CAST: variants seen among roughly 807,000 people sequenced by gnomAD.
The protein encoded by CAST is calpastatin.
CAST carries 76 observed loss-of-function variants against 119.6 expected under a neutral mutation model. That is an observed-to-expected ratio of 0.64 (90% CI 0.53 to 0.77). The LOEUF (loss-of-function observed/expected upper bound fraction) is 0.77. CAST is among the 30% of genes least tolerant of loss of function. The pLI is 0.00. For synonymous variants in CAST, 319 were observed against 331.6 expected (o/e 0.96, Z 0.41); for missense variants, 953 against 946.5 (o/e 1.01, Z -0.09).
chr5:96,363,674 C>T, the CAST span, among the ~76,000 whole-genome samples: 6 of 152,196 alleles, frequency 3.9e-5, no homozygotes, highest in East Asian at 1.2e-3. Context: ...GTGATTTTTG[C>T]ACATTGATTT....
At chr5:96,075,664 T>C in the CAST span, among the ~76,000 whole-genome samples, 3 of 152,156 alleles carry the variant, frequency 2.0e-5, no homozygotes, top group African/African-American at 7.2e-5. Flanking sequence ...TTGAGTTTCA[T>C]TGAGCAAAAG....
At chr5:96,662,174 C>A, upstream of CAST, 1 of 420,346 alleles carries the variant, frequency 2.4e-6, no homozygotes, top group South Asian at 4.9e-5. Context: ...GGGTGAGGAC[C>A]GGGGCGGAGG....
At chr5:96,665,029 CT>C (rs1481388080) in intron 1 of CAST, among the ~76,000 whole-genome samples, 3 of 152,184 alleles carry the variant, frequency 2.0e-5, no homozygotes, top group Non-Finnish European at 4.4e-5. Flanking sequence ...TGAATCTATG[CT>C]TTTAACCCTG....
chr5:96,294,511 G>C, the CAST span, among the ~76,000 whole-genome samples: 1 of 152,144 alleles, frequency 6.6e-6, no homozygotes, highest in Non-Finnish European at 1.5e-5. Flanking sequence ...GCTTTTCTCT[G>C]TCTACACAGA....
At chr5:96,285,538 T>G in the CAST span, among the ~76,000 whole-genome samples, 1 of 152,158 alleles carries the variant, frequency 6.6e-6, no homozygotes, top group Non-Finnish European at 1.5e-5. Context: ...CCCCCACCAT[T>G]TCATAAGTCC....
chr5:96,720,524 A>G (rs113274634), intron 3 of CAST, among the ~76,000 whole-genome samples: 20 of 152,212 alleles, frequency 1.3e-4, no homozygotes, highest in Non-Finnish European at 2.8e-4. Context: ...AGCAGCTTTC[A>G]TATTTCAGTT....
chr5:96,651,358 T>G (rs1748092612), intron 1 of CAST, among the ~76,000 whole-genome samples: 1 of 152,222 alleles, frequency 6.6e-6, no homozygotes, highest in African/African-American at 2.4e-5. Flanking sequence ...AGTATGTGTA[T>G]GTGTGTGTAC....
chr5:96,197,770 T>G, the CAST span, among the ~76,000 whole-genome samples: 114,104 of 151,876 alleles, frequency 0.75, 43,090 homozygotes, highest in East Asian at 0.84. Flanking sequence ...GACATTTTTT[T>G]GTGTGTGTGT....
At chr5:96,229,222 G>A in the CAST span, among the ~76,000 whole-genome samples, 4 of 150,844 alleles carry the variant, frequency 2.7e-5, no homozygotes, top group Non-Finnish European at 2.9e-5. Flanking sequence ...AAATGAAATC[G>A]TATTTTAGGA....
the CAST span, among the ~76,000 whole-genome samples, chr5:96,405,829 C>T: frequency 6.6e-6 from 1 of 152,150 alleles, no homozygotes; most frequent in African/African-American, 2.4e-5. Context: ...ATGGATATTT[C>T]TACTATATTG....
chr5:96,670,316 T>C (rs72772077), intron 1 of CAST, among the ~76,000 whole-genome samples: 90 of 152,222 alleles, frequency 5.9e-4, no homozygotes, highest in Non-Finnish European at 1.0e-3. Context: ...AGCACAATTT[T>C]ACTTTAGAAT....
At chr5:96,718,967 G>A (rs1757707410) in intron 3 of CAST, among the ~76,000 whole-genome samples, 1 of 152,168 alleles carries the variant, frequency 6.6e-6, no homozygotes, top group East Asian at 1.9e-4. Context: ...GAGGCTGAAT[G>A]GCTGGAGGGG....
Position 96,746,313 on chromosome 5 carries a change from A to G in CAST, c.1201-29A>G, listed in dbSNP as rs188785354. ...ATCTCATTATGTGCATTATCCAACT[A>G]CTTTTTTTTTCCCCTCCATTTTCAT... On this transcript the variant is annotated intron_variant, in intron 16 of 31. Transcript: ENST00000675179. 1.3e-4 allele frequency: 159 copies of G among 1,266,452 alleles called. 2 individuals carry two copies. The African/African-American group carries it at 1.7e-3, about 13-fold the overall frequency. The allele number at this position is 1,266,452 out of a possible 1,614,324, so 78.5% of individuals were successfully genotyped here. A position where few individuals can be genotyped will look rare whatever the true frequency, so the allele number is the denominator to read the frequency against.
At chr5:96,617,856 G>A (rs1241858238) in intron 1 of CAST, among the ~76,000 whole-genome samples, 1 of 136,532 alleles carries the variant, frequency 7.3e-6, no homozygotes, top group East Asian at 2.2e-4. Context: ...GATTTTACTA[G>A]GAAGATGTAG....
At chr5:96,087,638 C>A in the CAST span, among the ~76,000 whole-genome samples, 1 of 152,158 alleles carries the variant, frequency 6.6e-6, no homozygotes, top group African/African-American at 2.4e-5. Flanking sequence ...CAATCAATCA[C>A]TCAATCAAAC....
chr5:96,616,740 C>A (rs1481996709), intron 1 of CAST, among the ~76,000 whole-genome samples: 26 of 108,964 alleles, frequency 2.4e-4, no homozygotes, highest in African/African-American at 8.8e-4. Flanking sequence ...CTCTCTCTCT[C>A]TCTCTATATA....
At chr5:96,737,271 T>G (rs1371664513) in intron 10 of CAST, among the ~76,000 whole-genome samples, 2 of 152,080 alleles carry the variant, frequency 1.3e-5, no homozygotes, top group Non-Finnish European at 2.9e-5. Context: ...GTTTAATGTC[T>G]CAGGTAATTT....
intron 1 of CAST, among the ~76,000 whole-genome samples, chr5:96,665,019 T>C (rs1749138229): frequency 6.6e-6 from 1 of 152,242 alleles, no homozygotes; most frequent in African/African-American, 2.4e-5. Context: ...GAAAGTAGTT[T>C]GAATCTATGC....
the CAST span, among the ~76,000 whole-genome samples, chr5:96,118,627 T>G: frequency 4.6e-5 from 7 of 151,758 alleles, no homozygotes; most frequent in African/African-American, 1.7e-4. Context: ...ATTTGGAAAT[T>G]TGCTTTTTTT....
Sources: allele counts gnomAD v4.1 joint callset (sites outside exome capture counted in the v4.1 genomes callset), GRCh38; gene constraint gnomAD v4.1.1; transcripts MANE v1.5; gene names NCBI Gene and HGNC (gene_info 2026-07-23, HGNC 2026-07-21).